LY75: variants seen among roughly 807,000 people sequenced by gnomAD.
The protein encoded by LY75 is lymphocyte antigen 75, also known as C-type lectin domain family 13 member B.
In LY75, 185 loss-of-function variants were observed where a neutral mutation model predicts 231.7. That is an observed-to-expected ratio of 0.80 (90% confidence interval 0.71 to 0.90). The LOEUF (loss-of-function observed/expected upper bound fraction) is 0.90, where lower values mean the gene tolerates loss of function less well. Ranked by LOEUF, LY75 falls within the 40% of genes least tolerant of loss-of-function variation. LY75 has a pLI of 0.00. For synonymous variants in LY75, 668 were observed against 689.0 expected (o/e 0.97, Z 0.48); for missense variants, 1,947 against 2,050.2 (o/e 0.95, Z 0.97).
chr2:159,854,397 A>G lies in LY75; in HGVS notation c.2558T>C (p.Phe853Ser). 2 of 1,524,432 alleles carry G rather than the reference A, an allele frequency of 1.3e-6. No individual in the cohort carries two copies. The highest frequency in any genetic ancestry group is 2.3e-5 in the East Asian group (1 of 42,768). 94.4% of individuals were successfully genotyped at this position (1,524,432 alleles called of 1,614,324 possible). A position where few individuals can be genotyped will look rare whatever the true frequency, so the allele number is the denominator to read the frequency against. Reference sequence around the variant, plus strand: ...GTTTTTGATGGCTTTTAGTCCCACAAAAGATGTTATAGTTGCAAGAAAGCT... The same window carrying G: ...GTTTTTGATGGCTTTTAGTCCCACAGAAGATGTTATAGTTGCAAGAAAGCT... Reference protein sequence around the residue: ...NHSFLATITSFVGLKAIKNKI... With the variant: ...NHSFLATITSSVGLKAIKNKI... Residue 853 changes from phenylalanine to serine, a missense_variant, in exon 18 of 35, where the codon TTT (phenylalanine) becomes TCT (serine). Transcript: ENST00000263636.
At chr2:159,827,147 G>T (rs1377349048) in intron 28 of LY75, among the ~76,000 whole-genome samples, 1 of 152,084 alleles carries the variant, frequency 6.6e-6, no homozygotes, top group Non-Finnish European at 1.5e-5. Flanking sequence ...CATAGCAAAA[G>T]AAACTATCAT....
rs1683750915 is a variant in LY75 at position 159,834,169 on chromosome 2, C to T, written c.3716G>A (p.Cys1239Tyr). 6.2e-7 allele frequency: 1 copy of T among 1,613,994 alleles called. No homozygotes were observed. The highest frequency in any genetic ancestry group is 8.5e-7 in the Non-Finnish European group (1 of 1,179,942). The stretch of plus-strand genomic sequence containing the variant: ...CGGAGTATTTAGAACAGGAGATGGA[C>T]ATTTAACACTGTCAACTGGTTTGAC... ...KEVKPVDSVK[C>Y]PSPVLNTPWI... Residue 1239 changes from cysteine (C) to tyrosine (Y), a missense_variant, in exon 27 of 35, where the codon TGT (cysteine) becomes TAT (tyrosine). Coordinates refer to ENST00000263636, the MANE Select transcript of LY75 (RefSeq NM_002349.4).
intron 34 of LY75, 33 bp from the exon 35 acceptor site, chr2:159,805,255 A>G (rs1394866710): frequency 2.0e-6 from 3 of 1,526,260 alleles, no homozygotes; most frequent in Admixed American, 1.7e-5. Flanking sequence ...GTTGGAGGAG[A>G]GAATACAAAA....
At chr2:159,903,947 T>C (rs1686156321) in intron 1 of LY75, among the ~76,000 whole-genome samples, 1 of 152,204 alleles carries the variant, frequency 6.6e-6, no homozygotes, top group Non-Finnish European at 1.5e-5. Flanking sequence ...GCTGTCAGCC[T>C]TGGGGGAGCG....
intron 23 of LY75, among the ~76,000 whole-genome samples, chr2:159,847,338 C>A (rs13422259): frequency 0.047 from 7,168 of 152,068 alleles, 507 homozygotes; most frequent in African/African-American, 0.16. Flanking sequence ...TTAATTAAAA[C>A]AATTTTTTTT....
chr2:159,867,425 A>G (rs1172214952), intron 13 of LY75, among the ~76,000 whole-genome samples: 1 of 152,198 alleles, frequency 6.6e-6, no homozygotes, highest in Non-Finnish European at 1.5e-5. Flanking sequence ...GAAAATGTGA[A>G]GGAAAAAATT....
chr2:159,807,359 G>T (rs1036096234), intron 33 of LY75, among the ~76,000 whole-genome samples: 3 of 152,222 alleles, frequency 2.0e-5, no homozygotes, highest in Non-Finnish European at 2.9e-5. Flanking sequence ...TACTATATTG[G>T]ACAGTGCAGA....
intron 31 of LY75, among the ~76,000 whole-genome samples, chr2:159,812,946 G>A (rs1683006545): frequency 6.6e-6 from 1 of 152,146 alleles, no homozygotes; most frequent in Non-Finnish European, 1.5e-5. Flanking sequence ...GAATCATAGA[G>A]TATTTGTCTT....
intron 13 of LY75, 123 bp from the exon 14 acceptor site, chr2:159,865,043 G>T: frequency 1.3e-6 from 1 of 771,106 alleles, no homozygotes. Flanking sequence ...GAAGTCTTTT[G>T]AAATGAAACT....
chr2:159,882,368 C>CA (rs1426550487), intron 6 of LY75, 53 bp from the exon 7 acceptor site: 20 of 1,557,134 alleles, frequency 1.3e-5, no homozygotes, highest in Non-Finnish European at 1.7e-5. Context: ...TATTGTGAAT[C>CA]AATAACATTG....
chr2:159,850,195 T>G (rs1684340339), intron 22 of LY75, 55 bp from the exon 23 acceptor site: 1 of 1,545,886 alleles, frequency 6.5e-7, no homozygotes, highest in African/African-American at 1.4e-5. Context: ...AAAGATACAT[T>G]AAAAATGTCA....
Position 159,808,486 on chromosome 2 carries a change from G to A in LY75, c.4785C>T (p.Thr1595=). Residue 1595 remains threonine, a synonymous_variant, in exon 33 of 35, where the codon ACC becomes ACT. Transcript: ENST00000263636. ...GAGATAATCCAAGCCAAACTCTCAT[G>A]GTAATGTTATTATTTTCCCTCATCA... ...SRLMRENNNI[T]MRVWLGLSQH... The A allele has an allele frequency of 2.5e-6, 4 of 1,613,796 alleles. No individual in the cohort carries two copies. The highest frequency in any genetic ancestry group is 3.4e-6 in the Non-Finnish European group (4 of 1,179,934).
chr2:159,864,934 A>C lies in LY75; in HGVS notation c.2118-14T>G. The C allele has an allele frequency of 6.3e-7, 1 of 1,592,604 alleles. No homozygotes were observed. The highest frequency in any genetic ancestry group is 8.5e-7 in the Non-Finnish European group (1 of 1,171,550). Reference sequence around the variant, plus strand: ...CAATGCTGGCCACTATGTAAAAAGCAAGTGTTAAAAATACAGGACAATGCT... The same window carrying C: ...CAATGCTGGCCACTATGTAAAAAGCCAGTGTTAAAAATACAGGACAATGCT... On this transcript the variant is annotated splice_polypyrimidine_tract_variant and intron_variant, in intron 13 of 34. Transcript: ENST00000263636.
chr2:159,882,920 G>C (rs1246293784), intron 6 of LY75, among the ~76,000 whole-genome samples: 1 of 152,006 alleles, frequency 6.6e-6, no homozygotes, highest in African/African-American at 2.4e-5. Context: ...CATGGAATTA[G>C]TGATTCTGTT....
At chr2:159,850,680 G>A (rs1447459795) in intron 21 of LY75, among the ~76,000 whole-genome samples, 1 of 148,300 alleles carries the variant, frequency 6.7e-6, no homozygotes, top group East Asian at 2.0e-4. Flanking sequence ...AGGCCGGAGT[G>A]CAGTGGTGCA....
chr2:159,903,329 A>T (rs1307602690), intron 1 of LY75: 1 of 152,248 alleles, frequency 6.6e-6, no homozygotes, highest in Non-Finnish European at 1.5e-5. Flanking sequence ...TTGAAAAGTT[A>T]GTGCATTTTC....
chr2:159,821,749 G>A (rs115912963), intron 28 of LY75, among the ~76,000 whole-genome samples: 2 of 152,120 alleles, frequency 1.3e-5, no homozygotes, highest in Non-Finnish European at 2.9e-5. Context: ...TTGCTGGCAA[G>A]ATGGCCAAAT....
At chr2:159,819,275 T>G (rs1683214119) in intron 29 of LY75, among the ~76,000 whole-genome samples, 1 of 152,194 alleles carries the variant, frequency 6.6e-6, no homozygotes. Flanking sequence ...TATTTAAAGA[T>G]TAAGCAAGGT....
At chr2:159,884,375 T>C (rs1685524901) in intron 6 of LY75, among the ~76,000 whole-genome samples, 1 of 152,164 alleles carries the variant, frequency 6.6e-6, no homozygotes, top group African/African-American at 2.4e-5. Context: ...GGCCCTGTGC[T>C]TGACAGTCAA....
Sources: allele counts gnomAD v4.1 joint callset (sites outside exome capture counted in the v4.1 genomes callset), GRCh38; gene constraint gnomAD v4.1.1; transcripts MANE v1.5; gene names NCBI Gene and HGNC (gene_info 2026-07-23, HGNC 2026-07-21).